Variants in PCSK6 observed in about 807,000 individuals in gnomAD.
PCSK6 encodes the protein paired basic amino acid cleaving enzyme 4.
Under a neutral mutation model 123.3 loss-of-function variants are expected in PCSK6, and 85 were observed. That is an observed-to-expected ratio of 0.69 (90% CI 0.58 to 0.83). The LOEUF (loss-of-function observed/expected upper bound fraction) is 0.83, where lower values mean the gene tolerates loss of function less well. Ranked by LOEUF, PCSK6 falls within the 40% of genes least tolerant of loss-of-function variation. The pLI is 0.00. For synonymous variants in PCSK6, 508 were observed against 516.0 expected, an observed-to-expected ratio of 0.98 and a Z score of 0.21; for missense variants, 1,191 against 1,282.3, an observed-to-expected ratio of 0.93 and a Z score of 1.09.
intron 13 of PCSK6, among the ~76,000 whole-genome samples, chr15:101,343,746 A>G (rs2040670635): frequency 6.6e-6 from 1 of 152,204 alleles, no homozygotes; most frequent in Admixed American, 6.5e-5. Context: ...AAGCTTGCCA[A>G]ATGGCTCGAC....
chr15:101,403,462 G>A, intron 6 of PCSK6, among the ~76,000 whole-genome samples: 1 of 151,430 alleles, frequency 6.6e-6, no homozygotes, highest in African/African-American at 2.4e-5. Flanking sequence ...AATGGAGGTA[G>A]TAACAATAAC....
chr15:101,382,961 G>C (rs2041950350), intron 10 of PCSK6, among the ~76,000 whole-genome samples: 1 of 152,102 alleles, frequency 6.6e-6, no homozygotes, highest in Non-Finnish European at 1.5e-5. Flanking sequence ...TCGGCACTTA[G>C]GGTAACTATG....
chr15:101,393,064 T>C (rs1238876460), intron 8 of PCSK6, 148 bp downstream of exon 8: 13 of 717,236 alleles, frequency 1.8e-5, no homozygotes, highest in Non-Finnish European at 2.7e-5. Context: ...CAGGCTCAAA[T>C]TGTTCGCCGA....
At chr15:101,332,160 T>A in intron 13 of PCSK6, 129 bp from the exon 14 acceptor site, 1 of 791,274 alleles carries the variant, frequency 1.3e-6, no homozygotes, top group Non-Finnish European at 1.9e-6. Context: ...CACTTCCTGG[T>A]TACCTGCTGG....
chr15:101,313,252 G>T, intron 20 of PCSK6, 124 bp downstream of exon 20: 1 of 1,570,216 alleles, frequency 6.4e-7, no homozygotes, highest in Non-Finnish European at 8.6e-7. Flanking sequence ...ATGGGCTCCT[G>T]TCCACAGTGG....
In PCSK6 at chr15:101,489,543, G is replaced by T. The variant is rs1467453066; in HGVS notation, c.128C>A (p.Pro43Gln). Residue 43 changes from proline to glutamine, a missense_variant, in exon 1 of 22, where the codon CCG (proline) becomes CAG (glutamine). By Grantham distance (76) the Pro-to-Gln change is moderately conservative. Transcript: ENST00000611716. ...CCAGCGCCAGGGACGCGGCGCGAGCGGCCGGAACCCGGGCCCGCCGGCGCC... is the reference window on the plus strand; with the variant it reads ...CCAGCGCCAGGGACGCGGCGCGAGCTGCCGGAACCCGGGCCCGCCGGCGCC... ...AGGAGGPGFRPLAPRPWRWLL... is the reference protein window; with the variant it reads ...AGGAGGPGFRQLAPRPWRWLL... The T allele has an allele frequency of 4.0e-6, 4 of 994,662 alleles. No homozygotes were observed. The highest frequency in any genetic ancestry group is 3.6e-6 in the Non-Finnish European group (3 of 839,178). The allele number at this position is 994,662 out of a possible 1,614,324, so 61.6% of individuals were successfully genotyped here. A position where few individuals can be genotyped will look rare whatever the true frequency, so the allele number is the denominator to read the frequency against.
intron 8 of PCSK6, among the ~76,000 whole-genome samples, chr15:101,389,770 A>T (rs2042170771): frequency 2.0e-5 from 3 of 152,222 alleles, no homozygotes. Flanking sequence ...GTAGGAAGAC[A>T]GGCAGGGGCA....
At chr15:101,381,802 G>C (rs1454073640) in intron 11 of PCSK6, among the ~76,000 whole-genome samples, 1 of 152,240 alleles carries the variant, frequency 6.6e-6, no homozygotes, top group African/African-American at 2.4e-5. Flanking sequence ...ACACGGGTAA[G>C]AATTTCCAAT....
chr15:101,372,282 C>T (rs1388895526), intron 11 of PCSK6, among the ~76,000 whole-genome samples: 1 of 152,178 alleles, frequency 6.6e-6, no homozygotes, highest in Non-Finnish European at 1.5e-5. Flanking sequence ...TCCCATTATG[C>T]CTGGACTCTC....
chr15:101,390,413 T>C (rs12917106), intron 8 of PCSK6, among the ~76,000 whole-genome samples: 30,859 of 110,074 alleles, frequency 0.28, 8,748 homozygotes, highest in African/African-American at 0.48. Context: ...GAGTTAAGGT[T>C]GGTAGCCAGC....
chr15:101,334,224 C>T (rs1007102749), intron 13 of PCSK6: 4 of 147,474 alleles, frequency 2.7e-5, no homozygotes, highest in East Asian at 2.0e-4. Flanking sequence ...TTGTTCTCAC[C>T]GCTGCAGCAG....
chr15:101,366,416 G>A (rs958337846), intron 12 of PCSK6, 84 bp from the exon 13 acceptor site: 8 of 1,449,824 alleles, frequency 5.5e-6, no homozygotes, highest in Non-Finnish European at 6.6e-6. Context: ...AGGGCTCTCG[G>A]GGGACTGTAT....
chr15:101,486,096 T>C (rs1479804075), intron 1 of PCSK6, among the ~76,000 whole-genome samples: 2 of 151,720 alleles, frequency 1.3e-5, no homozygotes, highest in African/African-American at 2.4e-5. Flanking sequence ...CCCAAGTAGC[T>C]GGGATTACCG....
intron 1 of PCSK6, among the ~76,000 whole-genome samples, chr15:101,463,417 C>T (rs1232599933): frequency 6.6e-6 from 1 of 152,122 alleles, no homozygotes; most frequent in African/African-American, 2.4e-5. Context: ...CCTTTGGGGC[C>T]AAGCGTTGCA....
At chr15:101,346,532 G>T (rs916956223) in intron 13 of PCSK6, 3 of 245,444 alleles carry the variant, frequency 1.2e-5, no homozygotes, top group African/African-American at 2.2e-5. Context: ...GTTTGAACAC[G>T]AAGTGTTTCT....
intron 1 of PCSK6, among the ~76,000 whole-genome samples, chr15:101,456,223 G>A (rs1236746519): frequency 3.1e-5 from 4 of 130,430 alleles, no homozygotes; most frequent in Non-Finnish European, 7.0e-5. Context: ...ATGGAAGGAC[G>A]GATGGTCCCC....
At position 101,313,747 on chromosome 15, in the gene PCSK6, C is replaced by T. The variant is rs949480607; in HGVS notation, c.2570-242G>A. The T allele has an allele frequency of 6.2e-6, 3 of 485,928 alleles. 1 individual carries two copies. The highest frequency in any genetic ancestry group is 6.0e-5 in the South Asian group (2 of 33,450). 30.1% of individuals were successfully genotyped at this position (485,928 alleles called of 1,614,324 possible). A position where few individuals can be genotyped will look rare whatever the true frequency, so the allele number is the denominator to read the frequency against. On this transcript the variant is annotated intron_variant, in intron 19 of 21. Coordinates refer to ENST00000611716, the MANE Select transcript of PCSK6 (RefSeq NM_002570.5). Reference sequence around the variant, plus strand: ...GCATGAGATGATCTCAGAGGGAGCACACCTGCCCACTGGCCGTGCCACGAT... The same window carrying T: ...GCATGAGATGATCTCAGAGGGAGCATACCTGCCCACTGGCCGTGCCACGAT...
At chr15:101,468,337 A>G (rs1308842025) in intron 1 of PCSK6, among the ~76,000 whole-genome samples, 2 of 152,058 alleles carry the variant, frequency 1.3e-5, no homozygotes, top group African/African-American at 2.4e-5. Context: ...CTTCATATTC[A>G]CTGTGTGAAA....
intron 1 of PCSK6, among the ~76,000 whole-genome samples, chr15:101,483,090 C>G (rs1362687653): frequency 1.3e-5 from 2 of 152,338 alleles, no homozygotes; most frequent in East Asian, 3.9e-4. Context: ...CGCAGGCCAG[C>G]CGCGCACAGC....
Sources: allele counts gnomAD v4.1 joint callset (sites outside exome capture counted in the v4.1 genomes callset), GRCh38; gene constraint gnomAD v4.1.1; transcripts MANE v1.5; gene names NCBI Gene and HGNC (gene_info 2026-07-23, HGNC 2026-07-21).